Variants in MINPP1 observed in about 807,000 individuals in gnomAD.
The protein encoded by MINPP1 is multiple inositol-polyphosphate phosphatase 1.
MINPP1 carries 28 observed loss-of-function variants against 46.1 expected under a neutral mutation model. The ratio of observed to expected loss-of-function variants is 0.61; its 90% CI spans 0.45 to 0.83. The LOEUF is 0.83. Ranked by LOEUF, MINPP1 falls within the 40% of genes least tolerant of loss-of-function variation. The pLI, the probability that MINPP1 is intolerant of heterozygous loss-of-function variation, is 0.00. For synonymous variants in MINPP1, 268 were observed against 249.1 expected, an observed-to-expected ratio of 1.08 and a Z score of -0.72; for missense variants, 603 against 610.0, an observed-to-expected ratio of 0.99 and a Z score of 0.12.
At chr10:87,518,703 C>T (rs1216180276) in intron 3 of MINPP1, among the ~76,000 whole-genome samples, 2 of 152,194 alleles carry the variant, frequency 1.3e-5, no homozygotes, top group Non-Finnish European at 2.9e-5. Flanking sequence ...TTCAAGTTGG[C>T]GTTCCCATGA....
chr10:87,528,963 A>G (rs1201267972), intron 4 of MINPP1, among the ~76,000 whole-genome samples: 1 of 152,134 alleles, frequency 6.6e-6, no homozygotes, highest in Admixed American at 6.5e-5. Context: ...CCGTTATGTA[A>G]TGGCCTTCTT....
At chr10:87,506,826 T>C (rs749332279) in intron 1 of MINPP1, among the ~76,000 whole-genome samples, 15 of 152,240 alleles carry the variant, frequency 9.9e-5, no homozygotes, top group Non-Finnish European at 2.1e-4. Context: ...TGAAACCATC[T>C]GTAAGGGATT....
chr10:87,551,657 G>T (rs1023071069), intron 4 of MINPP1, among the ~76,000 whole-genome samples: 3 of 152,084 alleles, frequency 2.0e-5, no homozygotes, highest in Non-Finnish European at 2.9e-5. Flanking sequence ...TTATTCCCTA[G>T]ATATAAATAA....
chr10:87,532,899 G>A (rs1851679639), intron 4 of MINPP1, among the ~76,000 whole-genome samples: 1 of 151,978 alleles, frequency 6.6e-6, no homozygotes, highest in Admixed American at 6.6e-5. Context: ...TTGACAGTCA[G>A]GCACCAGTGT....
At position 87,505,586 on chromosome 10, in the gene MINPP1, T is replaced by TC; in HGVS notation, c.637+36dup. 1.3e-6 allele frequency: 2 copies of TC among 1,576,048 alleles called. No homozygotes were observed. Among genetic ancestry groups the TC allele is most frequent in the Non-Finnish European group, 1.7e-6 (2 of 1,168,370 alleles). Reference sequence around the variant, plus strand: ...CCGGGCGGCCCGTGTGCTGTCCCGGTCCTCCCACCCGCCCTGGATGCTCTC... The same window carrying TC: ...CCGGGCGGCCCGTGTGCTGTCCCGGTCCCTCCCACCCGCCCTGGATGCTCTC... On this transcript the variant is annotated intron_variant, in intron 1 of 4. Transcript: ENST00000371996. This position sits in a 1 kb window ranked among gnomAD's most constrained non-coding sequence, Gnocchi z 4.4.
chr10:87,532,294 A>G (rs776191637), intron 4 of MINPP1, among the ~76,000 whole-genome samples: 3 of 152,252 alleles, frequency 2.0e-5, no homozygotes, highest in Non-Finnish European at 4.4e-5. Context: ...CAAAGCAGCT[A>G]CTATGTTTAT....
intron 2 of MINPP1, among the ~76,000 whole-genome samples, chr10:87,509,248 G>T (rs1464615780): frequency 2.6e-5 from 4 of 152,102 alleles, no homozygotes; most frequent in African/African-American, 9.7e-5. Context: ...TACATGCAAA[G>T]ATTGTAGATT....
At chr10:87,515,796 T>C (rs2131808773) in intron 3 of MINPP1, among the ~76,000 whole-genome samples, 1 of 152,100 alleles carries the variant, frequency 6.6e-6, no homozygotes, top group Admixed American at 6.5e-5. Flanking sequence ...TTATATTTTT[T>C]ATGTGTTTAA....
intron 4 of MINPP1, among the ~76,000 whole-genome samples, chr10:87,549,587 G>T (rs1370544683): frequency 6.6e-6 from 1 of 152,188 alleles, no homozygotes; most frequent in Non-Finnish European, 1.5e-5. Context: ...TTTACTAATG[G>T]CGTATAAATT....
chr10:87,518,413 C>T (rs745483363), intron 3 of MINPP1, among the ~76,000 whole-genome samples: 5 of 151,882 alleles, frequency 3.3e-5, no homozygotes, highest in African/African-American at 1.2e-4. Context: ...TTAGTGTTTA[C>T]GTCTCTTTGT....
At chr10:87,540,083 T>G (rs1851792543) in intron 4 of MINPP1, among the ~76,000 whole-genome samples, 1 of 152,170 alleles carries the variant, frequency 6.6e-6, no homozygotes, top group Non-Finnish European at 1.5e-5. Context: ...TTTCCCAGGC[T>G]AGTCTCAAAC....
intron 4 of MINPP1, among the ~76,000 whole-genome samples, chr10:87,549,228 A>G (rs993401099): frequency 4.6e-5 from 7 of 152,224 alleles, no homozygotes; most frequent in African/African-American, 1.4e-4. Context: ...AATTTGAGTC[A>G]CAGTCTAGAT....
intron 1 of MINPP1, chr10:87,507,835 G>T: frequency 1.9e-6 from 2 of 1,040,400 alleles, no homozygotes; most frequent in Non-Finnish European, 2.3e-6. Flanking sequence ...ACATCAGTGC[G>T]TTTTGTGCTG....
At position 87,508,363 on chromosome 10, in the gene MINPP1, A is replaced by G; in HGVS notation, c.665A>G (p.Asn222Ser). ...ADMEFGPPTV[N>S]DKLMRFFDHC... ...ATGGAGTTTGGACCTCCAACAGTTA[A>G]TGATAAACTAATGAGATTTTTTGAT... is the stretch of plus-strand genomic sequence containing the variant. The change falls in exon 2 of 5, where the codon AAT (asparagine) becomes AGT (serine). Residue 222 changes from asparagine (N) to serine (S), a missense_variant. This residue lies in a region of MINPP1 where 344 missense variants were observed against 381.1 expected (regional missense o/e 0.90). Coordinates refer to ENST00000371996, the MANE Select transcript of MINPP1 (RefSeq NM_004897.5). 1.2e-6 allele frequency: 2 copies of G among 1,613,138 alleles called. No homozygotes were observed. Among genetic ancestry groups the G allele is most frequent in the Non-Finnish European group, 1.7e-6 (2 of 1,179,710 alleles).
At chr10:87,535,230 G>A (rs570620247) in intron 4 of MINPP1, among the ~76,000 whole-genome samples, 40 of 152,284 alleles carry the variant, frequency 2.6e-4, no homozygotes, top group African/African-American at 9.1e-4. Flanking sequence ...CTTGTTCAGC[G>A]TTTCCTAACC....
At position 87,542,884 on chromosome 10, in the gene MINPP1, G is replaced by A. The variant is rs535554724; in HGVS notation, c.1068-9198G>A. ...TATAAAGATACCTGAAGATGTGGAA[G>A]TAGCTTTGGAACTGGGTAAAAGGCA... On this transcript the variant is annotated intron_variant, in intron 4 of 4. Coordinates refer to ENST00000371996, the MANE Select transcript of MINPP1 (RefSeq NM_004897.5). Among the ~76,000 whole-genome samples, 52 of 152,322 alleles carry A rather than the reference G, an allele frequency of 3.4e-4. 1 individual carries two copies. The highest frequency in any genetic ancestry group is 1.2e-3 in the African/African-American group (50 of 41,582).
chr10:87,509,436 C>T (rs1374224076), intron 2 of MINPP1, among the ~76,000 whole-genome samples: 1 of 152,138 alleles, frequency 6.6e-6, no homozygotes, highest in African/African-American at 2.4e-5. Flanking sequence ...ATTGGCATCG[C>T]CTGTGGAGCT....
chr10:87,550,111 G>T (rs937901335), intron 4 of MINPP1, among the ~76,000 whole-genome samples: 4 of 152,230 alleles, frequency 2.6e-5, no homozygotes, highest in African/African-American at 9.6e-5. Context: ...ATGGTCTTAC[G>T]GGTATATATG....
At position 87,516,649 on chromosome 10, in the gene MINPP1, G is replaced by A. The variant is rs138020450; in HGVS notation, c.933+3428G>A. On this transcript the variant is annotated intron_variant, in intron 3 of 4. Coordinates refer to ENST00000371996, the MANE Select transcript of MINPP1 (RefSeq NM_004897.5). Reference sequence around the variant, plus strand: ...GTAGGATAGCTTTTTTGCAATTTGTGTCTGCTTTAATAAGTATATCTAGAT... The same window carrying A: ...GTAGGATAGCTTTTTTGCAATTTGTATCTGCTTTAATAAGTATATCTAGAT... 3.9e-3 allele frequency among the ~76,000 whole-genome samples: 404 copies of A among 104,452 alleles called. 94 individuals carry two copies. The highest frequency in any genetic ancestry group is 0.011 in the African/African-American group (387 of 34,812). The allele number at this position is 104,452 out of a possible 152,430, so 68.5% of individuals were successfully genotyped here. A position where few individuals can be genotyped will look rare whatever the true frequency, so the allele number is the denominator to read the frequency against.
Sources: gnomAD v4.1 joint callset for allele counts (sites outside exome capture counted in the v4.1 genomes callset) on GRCh38, gnomAD v4.1.1 for gene constraint, gnomAD v4.1.1 regional missense constraint, Gnocchi (gnomAD v3.1) non-coding constraint, MANE v1.5 for transcripts, NCBI Gene and HGNC (gene_info 2026-07-23, HGNC 2026-07-21) for gene names.